Variants in IFT74 observed in about 807,000 individuals in gnomAD.
IFT74 encodes the protein intraflagellar transport protein 74 homolog.
Under a neutral mutation model 96.7 loss-of-function variants are expected in IFT74, and 92 were observed. The observed-to-expected ratio is 0.95, with a 90% CI of 0.80 to 1.13. IFT74 has a LOEUF of 1.13. IFT74 is among the 50% of genes most tolerant of loss of function. The probability of loss-of-function intolerance (pLI) is 0.00; values close to 1 mark genes in which losing one functional copy is unlikely to be tolerated. For missense variants in IFT74, 811 were observed against 698.2 expected (o/e 1.16, Z -1.82); for synonymous variants, 223 against 213.2 (o/e 1.05, Z -0.40).
chr9:27,056,855 A>AGTGGATAG (rs1554679734), intron 18 of IFT74, among the ~76,000 whole-genome samples: 2 of 132,160 alleles, frequency 1.5e-5, no homozygotes, highest in Non-Finnish European at 1.7e-5. Flanking sequence ...TCTTTTAGTC[A>AGTGGATAG]ATGGATAGAT....
upstream of IFT74, chr9:26,955,860 C>G (rs866276856): frequency 6.1e-5 from 9 of 146,886 alleles, no homozygotes; most frequent in South Asian, 2.2e-4. Flanking sequence ...AAAAAGGACA[C>G]TTTCCATTGA....
chr9:26,949,082 G>A (rs1280870977), intron 1 of IFT74, among the ~76,000 whole-genome samples: 1 of 151,866 alleles, frequency 6.6e-6, no homozygotes, highest in East Asian at 1.9e-4. Context: ...ATTCTAATAT[G>A]TTCTTTTATG....
chr9:27,028,980 A>C (rs376199698), intron 12 of IFT74, 45 bp from the exon 13 acceptor site: 16 of 1,487,222 alleles, frequency 1.1e-5, no homozygotes, highest in Non-Finnish European at 1.4e-5. Context: ...TTTTTATTGA[A>C]TGTCTATATT....
At chr9:27,015,498 G>A (rs1221096748) in intron 10 of IFT74, among the ~76,000 whole-genome samples, 2 of 152,042 alleles carry the variant, frequency 1.3e-5, no homozygotes, top group African/African-American at 2.4e-5. Context: ...TTAGCTGGGC[G>A]TGGTGGCAGG....
At chr9:26,970,815 T>A (rs1826847009) in intron 2 of IFT74, among the ~76,000 whole-genome samples, 1 of 152,208 alleles carries the variant, frequency 6.6e-6, no homozygotes, top group Non-Finnish European at 1.5e-5. Context: ...GGGGATAAAC[T>A]GACATCTTTT....
intron 16 of IFT74, 93 bp downstream of exon 16, chr9:27,048,367 T>C: frequency 1.2e-6 from 1 of 843,506 alleles, no homozygotes; most frequent in Non-Finnish European, 1.7e-6. Flanking sequence ...ACAGAGGCTA[T>C]AATTTATGAT....
At chr9:26,955,688 G>C (rs1826059277), upstream of IFT74, 2 of 152,012 alleles carry the variant, frequency 1.3e-5, no homozygotes, top group African/African-American at 4.8e-5. Context: ...TCGAAGGCAG[G>C]CAAGTTGGAA....
Position 27,062,657 on chromosome 9 carries a change from T to C in IFT74, c.1724T>C (p.Ile575Thr). 6.2e-7 allele frequency: 1 copy of C among 1,609,888 alleles called. No homozygotes were observed. Among genetic ancestry groups the C allele is most frequent in the African/African-American group, 1.3e-5 (1 of 74,820 alleles). ...TKSQESDYQP[I>T]KKNVTKQIAE... is the part of the protein sequence containing the mutation. ...AGTCAAGAGAGTGATTACCAGCCAATTAAGAAAAATGTGACCAAGCAGATT... is the reference window on the plus strand; with the variant it reads ...AGTCAAGAGAGTGATTACCAGCCAACTAAGAAAAATGTGACCAAGCAGATT... The change falls in exon 20 of 20, where the codon ATT becomes ACT. Residue 575 changes from isoleucine (I) to threonine (T), a missense_variant. Coordinates refer to ENST00000380062, the MANE Select transcript of IFT74 (RefSeq NM_025103.4).
intron 4 of IFT74, among the ~76,000 whole-genome samples, chr9:26,981,172 A>C (rs1827360774): frequency 1.3e-5 from 2 of 152,188 alleles, no homozygotes; most frequent in African/African-American, 4.8e-5. Context: ...ACCTCTTAAT[A>C]CTATTGCATT....
At chr9:26,951,185 T>A (rs1332923410) in intron 1 of IFT74, among the ~76,000 whole-genome samples, 1 of 152,234 alleles carries the variant, frequency 6.6e-6, no homozygotes, top group Non-Finnish European at 1.5e-5. Context: ...CTCAATATGA[T>A]GTTTTCATTA....
intron 2 of IFT74, among the ~76,000 whole-genome samples, chr9:26,975,047 G>C (rs766963597): frequency 2.6e-5 from 4 of 151,842 alleles, no homozygotes; most frequent in Non-Finnish European, 4.4e-5. Flanking sequence ...GAGGGGACAG[G>C]CTCATGGGAT....
chr9:26,962,108 T>C, intron 2 of IFT74, 21 bp downstream of exon 2: 1 of 1,613,448 alleles, frequency 6.2e-7, no homozygotes, highest in Non-Finnish European at 8.5e-7. Context: ...AACAAATCTA[T>C]TTACTTTGGG....
intron 18 of IFT74, among the ~76,000 whole-genome samples, chr9:27,058,187 C>T (rs1293734589): frequency 1.3e-5 from 2 of 151,814 alleles, no homozygotes; most frequent in African/African-American, 2.4e-5. Flanking sequence ...CTCCTGGACT[C>T]AACCGATCCT....
chr9:26,966,980 A>T (rs1826647769), intron 2 of IFT74, among the ~76,000 whole-genome samples: 1 of 151,734 alleles, frequency 6.6e-6, no homozygotes, highest in Non-Finnish European at 1.5e-5. Context: ...CACTCTAGAT[A>T]TATGGATTTA....
chr9:26,963,383 A>G (rs967049141), intron 2 of IFT74, among the ~76,000 whole-genome samples: 1 of 151,206 alleles, frequency 6.6e-6, no homozygotes, highest in African/African-American at 2.4e-5. Flanking sequence ...GTTGGTTCCA[A>G]GTCTTTGCTA....
chr9:26,956,066 T>C (rs1360780478), upstream of IFT74: 1 of 152,184 alleles, frequency 6.6e-6, no homozygotes, highest in African/African-American at 2.4e-5. Flanking sequence ...AATTGCACAA[T>C]GCTGCCTACC....
At chr9:27,007,393 A>G (rs931560967) in intron 8 of IFT74, among the ~76,000 whole-genome samples, 1 of 152,214 alleles carries the variant, frequency 6.6e-6, no homozygotes, top group African/African-American at 2.4e-5. Context: ...CTTCCAAAAG[A>G]TTAATTCCAC....
chr9:26,964,778 GT>G (rs1826533151), intron 2 of IFT74, among the ~76,000 whole-genome samples: 13 of 152,090 alleles, frequency 8.5e-5, no homozygotes, highest in Admixed American at 6.6e-4. Context: ...AAAAAGTACA[GT>G]ACTCTAATGT....
At chr9:26,948,017 C>G (rs1825801897) in intron 1 of IFT74, among the ~76,000 whole-genome samples, 1 of 152,176 alleles carries the variant, frequency 6.6e-6, no homozygotes, top group Admixed American at 6.5e-5. Context: ...GCTATTCTCT[C>G]GCATCCAACT....
Sources: allele counts gnomAD v4.1 joint callset (sites outside exome capture counted in the v4.1 genomes callset), GRCh38; gene constraint gnomAD v4.1.1; transcripts MANE v1.5; gene names NCBI Gene and HGNC (gene_info 2026-07-23, HGNC 2026-07-21).